The following CHRM2 variants were observed in gnomAD, a reference collection of about 807,000 sequenced individuals.
CHRM2 encodes the protein cholinergic receptor muscarinic 2, also known as muscarinic acetylcholine receptor M2.
A neutral mutation model predicts 25.0 loss-of-function variants in CHRM2; 8 were observed. The ratio of observed to expected loss-of-function variants is 0.32; its 90% CI spans 0.19 to 0.58. The LOEUF (loss-of-function observed/expected upper bound fraction) is 0.58, where lower values mean the gene tolerates loss of function less well. Ranked by LOEUF, CHRM2 falls within the 20% of genes least tolerant of loss-of-function variation. The pLI is 0.88. For synonymous variants in CHRM2, 202 were observed against 205.7 expected, an observed-to-expected ratio of 0.98 and a Z score of 0.15; for missense variants, 440 against 567.1, an observed-to-expected ratio of 0.78 and a Z score of 2.28.
chr7:136,929,263 CTTTTCTTTCTTTTTTTTT>C (rs1190849176), intron 2 of CHRM2, among the ~76,000 whole-genome samples: 6 of 144,768 alleles, frequency 4.1e-5, no homozygotes, highest in Non-Finnish European at 7.4e-5. Context: ...ACATTTTTTT[CTTTTCTTTCTTTTTTTTT>C]TTAATGAACA....
intron 2 of CHRM2, among the ~76,000 whole-genome samples, chr7:136,977,043 GA>G (rs1235407668): frequency 6.6e-6 from 1 of 152,112 alleles, no homozygotes; most frequent in African/African-American, 2.4e-5. Flanking sequence ...TTGGCTTTTA[GA>G]AGAAAGAAAA....
chr7:136,875,225 C>T (rs1048533171), intron 2 of CHRM2, among the ~76,000 whole-genome samples: 1 of 151,380 alleles, frequency 6.6e-6, no homozygotes, highest in African/African-American at 2.4e-5. Flanking sequence ...TACATACACA[C>T]ATACACACAC....
chr7:136,870,058 G>A (rs1191179155), intron 2 of CHRM2: 1 of 152,452 alleles, frequency 6.6e-6, no homozygotes, highest in Non-Finnish European at 1.5e-5. Context: ...GGAGAGGGAA[G>A]CATTCTGCAA....
intron 2 of CHRM2, chr7:136,898,636 G>C (rs1797033355): frequency 6.6e-6 from 1 of 151,958 alleles, no homozygotes; most frequent in Admixed American, 6.6e-5. Flanking sequence ...GTTAGAGAAA[G>C]AAGTTGCTGA....
intron 2 of CHRM2, among the ~76,000 whole-genome samples, chr7:136,972,641 A>C (rs1234846277): frequency 6.6e-6 from 1 of 152,224 alleles, no homozygotes; most frequent in Non-Finnish European, 1.5e-5. Flanking sequence ...GCTTGTGACC[A>C]ATGTCTGCAT....
chr7:136,957,865 G>A (rs1005565470), intron 2 of CHRM2, among the ~76,000 whole-genome samples: 4 of 152,038 alleles, frequency 2.6e-5, no homozygotes, highest in African/African-American at 7.2e-5. Context: ...TAGTCAAAAC[G>A]TTTTATCAAT....
At chr7:136,900,006 A>C (rs1241646045) in intron 2 of CHRM2, among the ~76,000 whole-genome samples, 2 of 152,096 alleles carry the variant, frequency 1.3e-5, no homozygotes, top group African/African-American at 2.4e-5. Flanking sequence ...AGTTTTTCTC[A>C]TTGCTATTAT....
chr7:136,982,396 C>A (rs1802548206), intron 2 of CHRM2, among the ~76,000 whole-genome samples: 1 of 152,152 alleles, frequency 6.6e-6, no homozygotes, highest in Admixed American at 6.5e-5. Context: ...ACTCTTTATC[C>A]AATTTGCCAG....
intron 3 of CHRM2, among the ~76,000 whole-genome samples, chr7:137,009,092 T>C (rs1804639743): frequency 1.3e-5 from 2 of 152,136 alleles, no homozygotes; most frequent in Non-Finnish European, 2.9e-5. Flanking sequence ...TACTTATGTA[T>C]TGATAATTCA....
chr7:136,986,686 A>G (rs921768534), intron 2 of CHRM2, among the ~76,000 whole-genome samples: 1 of 152,204 alleles, frequency 6.6e-6, no homozygotes, highest in African/African-American at 2.4e-5. Flanking sequence ...TGTCTCTTAC[A>G]ATGAGCTAAG....
intron 2 of CHRM2, among the ~76,000 whole-genome samples, chr7:136,887,216 T>G (rs1247956791): frequency 6.6e-6 from 1 of 152,220 alleles, no homozygotes; most frequent in African/African-American, 2.4e-5. Flanking sequence ...GTATATATCT[T>G]ATAACATCAT....
intron 2 of CHRM2, among the ~76,000 whole-genome samples, chr7:136,909,360 G>C (rs1281127369): frequency 6.6e-6 from 1 of 151,886 alleles, no homozygotes; most frequent in Non-Finnish European, 1.5e-5. Flanking sequence ...TGGAGAGATG[G>C]TAACAGACGA....
At chr7:136,954,643 C>T (rs1800611675) in intron 2 of CHRM2, among the ~76,000 whole-genome samples, 1 of 152,076 alleles carries the variant, frequency 6.6e-6, no homozygotes, top group Non-Finnish European at 1.5e-5. Flanking sequence ...GATCAAAATA[C>T]AGAAAAAATA....
In CHRM2 at chr7:137,002,400, T is replaced by C. The variant is rs530358720; in HGVS notation, c.-47+10136T>C. On this transcript the variant is annotated intron_variant, in intron 3 of 3. Transcript: ENST00000680005. ...AGTTTCATGATTTGTTCTAAATTTG[T>C]GGAGGACCAGAAATTTTTCTTTAGT... is the stretch of plus-strand genomic sequence containing the variant. 2.6e-5 allele frequency among the ~76,000 whole-genome samples: 4 copies of C among 152,306 alleles called. No individual in the cohort carries two copies. The East Asian group carries it at 7.7e-4, about 29-fold the overall frequency.
intron 2 of CHRM2, among the ~76,000 whole-genome samples, chr7:136,931,931 G>A (rs1022840899): frequency 2.6e-5 from 4 of 152,196 alleles, no homozygotes; most frequent in Admixed American, 2.6e-4. Context: ...GGAACTTTCA[G>A]TTATATTCTG....
intron 2 of CHRM2, among the ~76,000 whole-genome samples, chr7:136,929,837 A>C (rs896498737): frequency 6.6e-6 from 1 of 152,136 alleles, no homozygotes; most frequent in Non-Finnish European, 1.5e-5. Flanking sequence ...AGTTTGAGAG[A>C]GGTAATGCAA....
intron 2 of CHRM2, among the ~76,000 whole-genome samples, chr7:136,915,967 C>T (rs1798084437): frequency 6.7e-6 from 1 of 149,414 alleles, no homozygotes; most frequent in Non-Finnish European, 1.5e-5. Context: ...TGTATAAATT[C>T]TGTCAATTTC....
intron 2 of CHRM2, among the ~76,000 whole-genome samples, chr7:136,909,071 T>C (rs771407831): frequency 2.0e-4 from 30 of 151,914 alleles, no homozygotes; most frequent in Non-Finnish European, 3.5e-4. Context: ...GTGCTAGTTA[T>C]GTGATAATAT....
At chr7:136,961,528 CAAA>C (rs1304485619) in intron 2 of CHRM2, among the ~76,000 whole-genome samples, 1 of 152,112 alleles carries the variant, frequency 6.6e-6, no homozygotes, top group African/African-American at 2.4e-5. Flanking sequence ...TTAGTGAAAG[CAAA>C]AAGTTTCTGT....
Sources: allele counts gnomAD v4.1 joint callset (sites outside exome capture counted in the v4.1 genomes callset), GRCh38; gene constraint gnomAD v4.1.1; transcripts MANE v1.5; gene names NCBI Gene and HGNC (gene_info 2026-07-23, HGNC 2026-07-21).